Variants in KIAA1217 observed in about 807,000 individuals in gnomAD.
KIAA1217 encodes the protein sickle tail protein homolog.
KIAA1217 carries 88 observed loss-of-function variants against 163.9 expected under a neutral mutation model. That is an observed-to-expected ratio of 0.54 (90% confidence interval 0.45 to 0.64). The LOEUF is 0.64. Among genes scored for constraint, KIAA1217 ranks in the 30% least tolerant of loss-of-function variants. KIAA1217 has a pLI of 0.00. For synonymous variants in KIAA1217, 903 were observed against 923.1 expected, an observed-to-expected ratio of 0.98 and a Z score of 0.39; for missense variants, 2,372 against 2,475.0, an observed-to-expected ratio of 0.96 and a Z score of 0.88.
Position 24,109,819 on chromosome 10 carries a change from G to A in KIAA1217, c.-171+102445G>A, listed in dbSNP as rs554002367. On this transcript the variant is annotated intron_variant, in intron 2 of 18. Transcript: ENST00000376462. The stretch of plus-strand genomic sequence containing the variant: ...TTTGGTTTGAGATGGATTTGGAATC[G>A]ATCAAAACGGAAATAAAAATTCTAT... Among the ~76,000 whole-genome samples, 13 of 152,322 alleles carry A rather than the reference G, an allele frequency of 8.5e-5. No homozygotes were observed. The South Asian group carries it at 2.1e-3, about 24-fold the overall frequency.
intron 2 of KIAA1217, among the ~76,000 whole-genome samples, chr10:24,322,846 C>G (rs946595914): frequency 6.6e-6 from 1 of 152,160 alleles, no homozygotes; most frequent in Non-Finnish European, 1.5e-5. Flanking sequence ...TACTACCTGT[C>G]ATCTTGGCAA....
intron 6 of KIAA1217, among the ~76,000 whole-genome samples, chr10:24,480,181 T>G (rs922440624): frequency 1.3e-5 from 2 of 152,226 alleles, no homozygotes; most frequent in African/African-American, 4.8e-5. Context: ...GGGGGCAAAA[T>G]GCCCCAGCTT....
At chr10:23,929,605 C>T (rs987420815) in intron 1 of KIAA1217, among the ~76,000 whole-genome samples, 2 of 152,148 alleles carry the variant, frequency 1.3e-5, no homozygotes, top group Non-Finnish European at 2.9e-5. Context: ...AAGATAATGG[C>T]CTCCAGCTGC....
At chr10:24,020,745 T>C (rs1847696891) in intron 2 of KIAA1217, among the ~76,000 whole-genome samples, 1 of 151,706 alleles carries the variant, frequency 6.6e-6, no homozygotes, top group Admixed American at 6.6e-5. Flanking sequence ...GGCTGAAAAA[T>C]ATAAATATAA....
intron 2 of KIAA1217, among the ~76,000 whole-genome samples, chr10:24,069,766 C>T (rs978128976): frequency 1.6e-4 from 24 of 152,118 alleles, no homozygotes; most frequent in African/African-American, 5.6e-4. Context: ...AAGAAAAGTC[C>T]ATTGCTTCCT....
In KIAA1217 at chr10:24,536,359, A is replaced by G. The variant is rs369030705; in HGVS notation, c.3415-415A>G. Among the ~76,000 whole-genome samples, 8 of 152,308 alleles carry G rather than the reference A, an allele frequency of 5.3e-5. No homozygotes were observed. The East Asian group carries it at 1.5e-3, about 29-fold the overall frequency. ...ACTTAAAGGTTTAAAACGTCTTGTGAGCTTTTGCTGTATAATTTCAATAAA... is the reference window on the plus strand; with the variant it reads ...ACTTAAAGGTTTAAAACGTCTTGTGGGCTTTTGCTGTATAATTTCAATAAA... On this transcript the variant is annotated intron_variant, in intron 16 of 20. Coordinates refer to ENST00000376454, the MANE Select transcript of KIAA1217 (RefSeq NM_019590.5).
chr10:23,872,458 C>T (rs963454013), intron 1 of KIAA1217, among the ~76,000 whole-genome samples: 1 of 152,030 alleles, frequency 6.6e-6, no homozygotes, highest in South Asian at 2.1e-4. Context: ...TCTTGAGGAC[C>T]CCCTGCCTCT....
chr10:24,218,902 A>G (rs762431328), intron 1 of KIAA1217, among the ~76,000 whole-genome samples: 3 of 152,160 alleles, frequency 2.0e-5, no homozygotes, highest in Non-Finnish European at 4.4e-5. Flanking sequence ...ACAGGGTGAT[A>G]GCTATTTTTG....
chr10:24,140,950 A>G (rs1008984217), intron 2 of KIAA1217, among the ~76,000 whole-genome samples: 2 of 152,170 alleles, frequency 1.3e-5, no homozygotes, highest in Non-Finnish European at 2.9e-5. Context: ...TGTTCTGGAT[A>G]AGAGTAAAGG....
At chr10:24,167,293 G>A (rs1589747882) in intron 2 of KIAA1217, among the ~76,000 whole-genome samples, 2 of 144,386 alleles carry the variant, frequency 1.4e-5, no homozygotes, top group African/African-American at 2.6e-5. Context: ...GCGTGTGTGT[G>A]TGTGTGTGTG....
chr10:24,059,807 C>T (rs749878651), intron 2 of KIAA1217, among the ~76,000 whole-genome samples: 19 of 152,242 alleles, frequency 1.2e-4, no homozygotes, highest in South Asian at 6.2e-4. Context: ...CCTCACGATC[C>T]GCCCACCTCG....
At chr10:24,045,858 G>A (rs2131568634) in intron 2 of KIAA1217, among the ~76,000 whole-genome samples, 1 of 152,214 alleles carries the variant, frequency 6.6e-6, no homozygotes, top group Non-Finnish European at 1.5e-5. Context: ...TAGAACAGAA[G>A]AGCCTGGCAA....
chr10:24,494,610 A>C lies in KIAA1217; in HGVS notation c.1784+6A>C, dbSNP rs769826535. The C allele has an allele frequency of 6.4e-6, 10 of 1,557,464 alleles. No individual in the cohort carries two copies. The highest frequency in any genetic ancestry group is 7.9e-6 in the Non-Finnish European group (9 of 1,135,598). On this transcript the variant is annotated splice_donor_region_variant and intron_variant, in intron 7 of 20. Transcript: ENST00000376454. ...TATAGCAAAGATGCGTCTAGGTAAA[A>C]AAGAAGAAAGCCAATGAAAAAAATA...
intron 1 of KIAA1217, among the ~76,000 whole-genome samples, chr10:23,777,715 A>C (rs547173275): frequency 1.3e-5 from 2 of 152,260 alleles, no homozygotes; most frequent in Admixed American, 6.5e-5. Context: ...AGATGCATGA[A>C]GGTTGAGGAA....
chr10:24,008,895 C>G (rs564116718), intron 2 of KIAA1217, among the ~76,000 whole-genome samples: 1 of 152,184 alleles, frequency 6.6e-6, no homozygotes, highest in African/African-American at 2.4e-5. Flanking sequence ...TTAGAGTCAG[C>G]AGACTACCAT....
At position 23,962,599 on chromosome 10, in the gene KIAA1217, C is replaced by G. The variant is rs927927068; in HGVS notation, c.-320-44626C>G. On this transcript the variant is annotated intron_variant, in intron 1 of 18. Transcript: ENST00000376462. The stretch of plus-strand genomic sequence containing the variant: ...ATATTGTGTCTCAAATCTGATTATT[C>G]TTAGAAAACTAGTGACAGATTGAAT... Among the ~76,000 whole-genome samples, 5 of 152,146 alleles carry G rather than the reference C, an allele frequency of 3.3e-5. No homozygotes were observed. The East Asian group carries it at 9.6e-4, about 29-fold the overall frequency.
Position 24,384,153 on chromosome 10 carries a change from C to G in KIAA1217, c.553+3086C>G, listed in dbSNP as rs78190393. On this transcript the variant is annotated intron_variant, in intron 3 of 20. Coordinates refer to ENST00000376454, the MANE Select transcript of KIAA1217 (RefSeq NM_019590.5). The stretch of plus-strand genomic sequence containing the variant: ...CCCCCCTGGAAACCCGCTGTTGATG[C>G]CATCTGGAAGCCCTGGGTGTCTTTT... 0.01 allele frequency among the ~76,000 whole-genome samples: 1,581 copies of G among 152,276 alleles called. 93 individuals are homozygous for G. The East Asian group carries it at 0.17, about 16-fold the overall frequency.
chr10:24,135,015 T>C (rs1165354193), intron 2 of KIAA1217, among the ~76,000 whole-genome samples: 2 of 152,196 alleles, frequency 1.3e-5, no homozygotes, highest in Non-Finnish European at 2.9e-5. Context: ...TGGAGTAAGT[T>C]TGGGAGTCAA....
At chr10:24,258,692 A>G (rs1410125575) in intron 2 of KIAA1217, among the ~76,000 whole-genome samples, 1 of 150,490 alleles carries the variant, frequency 6.6e-6, no homozygotes, top group Non-Finnish European at 1.5e-5. Context: ...TCCCGGGTTC[A>G]CGCCATTCTC....
Sources: allele counts gnomAD v4.1 joint callset (sites outside exome capture counted in the v4.1 genomes callset), GRCh38; gene constraint gnomAD v4.1.1; transcripts MANE v1.5; gene names NCBI Gene and HGNC (gene_info 2026-07-23, HGNC 2026-07-21).